The following PLXNA2 variants were observed in gnomAD, a reference collection of about 807,000 sequenced individuals.
PLXNA2 encodes plexin-A2.
A neutral mutation model predicts 193.5 loss-of-function variants in PLXNA2; 91 were observed. The ratio of observed to expected loss-of-function variants is 0.47; its 90% CI spans 0.40 to 0.56. The LOEUF (loss-of-function observed/expected upper bound fraction) is 0.56. Ranked by LOEUF, PLXNA2 falls within the 20% of genes least tolerant of loss-of-function variation. The pLI is 0.00. For missense variants in PLXNA2, 1,995 were observed against 2,503.2 expected (o/e 0.80, Z 4.33); for synonymous variants, 997 against 1,027.3 (o/e 0.97, Z 0.56).
At chr1:208,223,724 C>T (rs189788681) in intron 1 of PLXNA2, among the ~76,000 whole-genome samples, 1 of 152,304 alleles carries the variant, frequency 6.6e-6, no homozygotes, top group Admixed American at 6.5e-5. Context: ...CAGATTTAGT[C>T]TATGCACAGA....
chr1:208,058,390 G>A (rs575782976), intron 13 of PLXNA2, among the ~76,000 whole-genome samples: 2 of 152,332 alleles, frequency 1.3e-5, no homozygotes, highest in East Asian at 1.9e-4. Flanking sequence ...GATAGATGGC[G>A]CAGCACAAGC....
chr1:208,141,786 T>C (rs1469927607), intron 4 of PLXNA2, among the ~76,000 whole-genome samples: 1 of 152,222 alleles, frequency 6.6e-6, no homozygotes, highest in Non-Finnish European at 1.5e-5. Flanking sequence ...TGCTCAGCTG[T>C]TTCCCTACAG....
Position 208,028,927 on chromosome 1 carries a change from A to G in PLXNA2, c.5341T>C (p.Ser1781Pro). The G allele has an allele frequency of 1.2e-6, 2 of 1,614,112 alleles. No homozygotes were observed. Among genetic ancestry groups the G allele is most frequent in the Non-Finnish European group, 1.7e-6 (2 of 1,180,016 alleles). The change falls in exon 30 of 32, where the codon TCT becomes CCT. Residue 1781 changes from serine (S) to proline (P), a missense_variant. Coordinates refer to ENST00000367033, the MANE Select transcript of PLXNA2 (RefSeq NM_025179.4). This position sits in a 1 kb window ranked among gnomAD's most constrained non-coding sequence, Gnocchi z 4.2. ...LSVVAQTFMD[S>P]CSTSEHRLGK... is the part of the protein sequence containing the mutation. The stretch of plus-strand genomic sequence containing the variant: ...AGCCGGTGCTCTGACGTTGAACAAG[A>G]GTCCATGAAGGTCTGGGCCACCACA...
At chr1:208,029,982 T>G (rs754185185) in intron 29 of PLXNA2, 17 of 985,400 alleles carry the variant, frequency 1.7e-5, no homozygotes, top group Non-Finnish European at 1.9e-5. Context: ...CTCCCCAGCT[T>G]CTTCTTCTCT....
At chr1:208,027,720 T>C (rs1664382766) in intron 31 of PLXNA2, among the ~76,000 whole-genome samples, 1 of 152,248 alleles carries the variant, frequency 6.6e-6, no homozygotes. Flanking sequence ...ATGCAAAGAA[T>C]AGTTTGATTC....
rs1213704855 is a variant in PLXNA2 at position 208,051,278 on chromosome 1, C to T, written c.3139G>A (p.Glu1047Lys). 6 of 1,611,142 alleles carry T rather than the reference C, an allele frequency of 3.7e-6. No individual in the cohort carries two copies. Among genetic ancestry groups the T allele is most frequent in the Non-Finnish European group, 4.2e-6 (5 of 1,178,396 alleles). The change falls in exon 16 of 32, where the codon GAG (glutamate) becomes AAG (lysine). Residue 1047 changes from glutamate (E) to lysine (K), a missense_variant. Physicochemically the swap from Glu to Lys is moderately conservative, Grantham distance 56. Coordinates refer to ENST00000367033, the MANE Select transcript of PLXNA2 (RefSeq NM_025179.4). ...YIDDPRVQRI[E>K]PEWSIASGHT... is the part of the protein sequence containing the mutation. The stretch of plus-strand genomic sequence containing the variant: ...CACCTGGCAATGCTCCACTCTGGCT[C>T]GATGCGCTGGACCCGAGGGTCATCT...
At position 208,079,299 on chromosome 1, in the gene PLXNA2, G is replaced by A; in HGVS notation, c.2547C>T (p.Ser849=). The A allele has an allele frequency of 6.2e-7, 1 of 1,612,604 alleles. No individual in the cohort carries two copies. The highest frequency in any genetic ancestry group is 8.5e-7 in the Non-Finnish European group (1 of 1,178,714). The change falls in exon 12 of 32, where the codon TCC becomes TCT. Residue 849 remains serine (S), a synonymous_variant. Coordinates refer to ENST00000367033, the MANE Select transcript of PLXNA2 (RefSeq NM_025179.4). ...GGTTGGAGCACTTGACATTGTGGCT[G>A]GACCAGTCGAGCCAGGGGCTGGAAG... ...TSPSSPWLDW[S]SHNVKCSNPQ...
chr1:208,070,219 T>C (rs1665937196), intron 12 of PLXNA2, among the ~76,000 whole-genome samples: 1 of 152,062 alleles, frequency 6.6e-6, no homozygotes, highest in African/African-American at 2.4e-5. Context: ...GATGTACAGA[T>C]CAAGAAGTGC....
chr1:208,027,431 T>TTTC, intron 31 of PLXNA2, 93 bp from the exon 32 acceptor site: 1 of 950,010 alleles, frequency 1.1e-6, no homozygotes, highest in Middle Eastern at 2.1e-4. Context: ...TCTGTCTACC[T>TTTC]TTCCATTCTG....
intron 1 of PLXNA2, among the ~76,000 whole-genome samples, chr1:208,221,326 G>T (rs928364438): frequency 6.7e-6 from 1 of 148,198 alleles, no homozygotes; most frequent in African/African-American, 2.5e-5. Flanking sequence ...AGCAGCTGAG[G>T]TTTTTTGCTC....
At chr1:208,091,143 G>A (rs1666692494) in intron 9 of PLXNA2, among the ~76,000 whole-genome samples, 1 of 152,220 alleles carries the variant, frequency 6.6e-6, no homozygotes. Context: ...TAGATGCCTG[G>A]TTTCGTCATG....
intron 28 of PLXNA2, 138 bp downstream of exon 28, chr1:208,033,181 C>G: frequency 1.3e-6 from 1 of 779,592 alleles, no homozygotes; most frequent in Non-Finnish European, 2.1e-6. Flanking sequence ...TGGGCATGAG[C>G]CACCAGGTCT....
chr1:208,165,157 CCTT>C (rs142672024), intron 3 of PLXNA2, among the ~76,000 whole-genome samples: 3,585 of 152,322 alleles, frequency 0.024, 98 homozygotes, highest in East Asian at 0.12. Context: ...TGGCCTCCCT[CCTT>C]CTCAGCCTGG....
chr1:208,043,250 G>T lies in PLXNA2; in HGVS notation c.3875-47C>A, dbSNP rs929961324. ...GAGGCTCGTGGGGAAGCCCCAGTCG[G>T]GGGAGGAGAAAGAGGGAGAAGAAGT... On this transcript the variant is annotated intron_variant, in intron 20 of 31. Coordinates refer to ENST00000367033, the MANE Select transcript of PLXNA2 (RefSeq NM_025179.4). The T allele has an allele frequency of 1.3e-5, 20 of 1,596,542 alleles. No individual in the cohort carries two copies. In the East Asian group the frequency reaches 2.7e-4, roughly 21 times the overall value.
intron 3 of PLXNA2, among the ~76,000 whole-genome samples, chr1:208,188,799 G>GTA (rs1272797209): frequency 6.6e-6 from 1 of 152,116 alleles, no homozygotes; most frequent in Non-Finnish European, 1.5e-5. Context: ...AAATGTGAGA[G>GTA]TATACTGCAT....
intron 7 of PLXNA2, 76 bp from the exon 8 acceptor site, chr1:208,096,201 G>T: frequency 8.8e-7 from 1 of 1,131,188 alleles, no homozygotes; most frequent in South Asian, 1.2e-5. Flanking sequence ...AAAATAAAAT[G>T]TAAGTCATGA....
chr1:208,151,436 C>T (rs776725476), intron 3 of PLXNA2, among the ~76,000 whole-genome samples: 7 of 152,050 alleles, frequency 4.6e-5, no homozygotes, highest in Non-Finnish European at 1.0e-4. Flanking sequence ...GAGTGCAGGG[C>T]AGCCTTTCTC....
chr1:208,186,202 A>T (rs1572010257), intron 3 of PLXNA2, among the ~76,000 whole-genome samples: 1 of 152,190 alleles, frequency 6.6e-6, no homozygotes, highest in South Asian at 2.1e-4. Context: ...TCCACCATTA[A>T]AGGCTTGGGT....
chr1:208,132,972 G>C (rs967199714), intron 4 of PLXNA2, among the ~76,000 whole-genome samples: 32 of 152,204 alleles, frequency 2.1e-4, no homozygotes, highest in African/African-American at 7.5e-4. Context: ...CCCCATGGCT[G>C]TCAGGAAACT....
Sources: allele counts gnomAD v4.1 joint callset (sites outside exome capture counted in the v4.1 genomes callset), GRCh38; gene constraint gnomAD v4.1.1; non-coding constraint Gnocchi (gnomAD v3.1); transcripts MANE v1.5; gene names NCBI Gene and HGNC (gene_info 2026-07-23, HGNC 2026-07-21).